Variants in SLC35F4 observed in about 807,000 individuals in gnomAD.
SLC35F4 encodes the protein solute carrier family 35 member F4, also known as chromosome 14 open reading frame 36.
A neutral mutation model predicts 44.2 loss-of-function variants in SLC35F4; 24 were observed. The ratio of observed to expected loss-of-function variants is 0.54; its 90% CI spans 0.39 to 0.76. SLC35F4 has a LOEUF of 0.76. SLC35F4 is among the 30% of genes least tolerant of loss of function. The probability of loss-of-function intolerance (pLI) is 0.00; values close to 1 mark genes in which losing one functional copy is unlikely to be tolerated. For missense variants in SLC35F4, 562 were observed against 586.1 expected (o/e 0.96, Z 0.42); for synonymous variants, 238 against 223.6 (o/e 1.06, Z -0.57).
chr14:57,649,562 A>G (rs1312700907), intron 1 of SLC35F4, among the ~76,000 whole-genome samples: 5 of 152,100 alleles, frequency 3.3e-5, no homozygotes, highest in African/African-American at 9.7e-5. Context: ...CACATCTGCA[A>G]TGTTCTTTTT....
At chr14:57,710,435 A>T (rs1040133870) in intron 1 of SLC35F4, among the ~76,000 whole-genome samples, 1 of 152,098 alleles carries the variant, frequency 6.6e-6, no homozygotes, top group African/African-American at 2.4e-5. Flanking sequence ...GTGGGGATGG[A>T]GCCCCCACAC....
chr14:57,742,602 A>G (rs978495456), intron 1 of SLC35F4, among the ~76,000 whole-genome samples: 1 of 152,216 alleles, frequency 6.6e-6, no homozygotes, highest in Non-Finnish European at 1.5e-5. Context: ...AAAGAGACTA[A>G]GACTCCCATG....
chr14:57,787,638 A>C (rs1234500462), intron 1 of SLC35F4, among the ~76,000 whole-genome samples: 1 of 152,208 alleles, frequency 6.6e-6, no homozygotes, highest in African/African-American at 2.4e-5. Context: ...ATCAGCCAAG[A>C]ATTTTGTATT....
intron 7 of SLC35F4, among the ~76,000 whole-genome samples, chr14:57,564,659 C>A (rs529403949): frequency 1.4e-4 from 21 of 152,312 alleles, no homozygotes; most frequent in African/African-American, 4.3e-4. Context: ...TCTCCAGTTT[C>A]ATTGGACCAT....
intron 1 of SLC35F4, among the ~76,000 whole-genome samples, chr14:57,634,759 G>A (rs955580438): frequency 1.3e-5 from 2 of 152,110 alleles, no homozygotes; most frequent in Non-Finnish European, 2.9e-5. Flanking sequence ...GATCACTGTG[G>A]TAACTGTGTG....
At chr14:57,650,026 A>T (rs769523489) in intron 1 of SLC35F4, among the ~76,000 whole-genome samples, 1 of 151,988 alleles carries the variant, frequency 6.6e-6, no homozygotes, top group Admixed American at 6.6e-5. Context: ...AGCTTTCAGG[A>T]TACCATATCC....
chr14:57,806,816 A>T (rs1159277689), intron 1 of SLC35F4, among the ~76,000 whole-genome samples: 1 of 152,228 alleles, frequency 6.6e-6, no homozygotes, highest in Non-Finnish European at 1.5e-5. Flanking sequence ...TTGCAAATGT[A>T]ATTTTGAATA....
At chr14:57,935,608 CTG>C (rs369242374) in intron 1 of SLC35F4, among the ~76,000 whole-genome samples, 1 of 152,304 alleles carries the variant, frequency 6.6e-6, no homozygotes, top group East Asian at 1.9e-4. Flanking sequence ...ATAACAAAGA[CTG>C]AGAATAGGTG....
At chr14:57,856,599 T>C (rs1407547462) in intron 1 of SLC35F4, among the ~76,000 whole-genome samples, 1 of 152,070 alleles carries the variant, frequency 6.6e-6, no homozygotes, top group African/African-American at 2.4e-5. Context: ...CTACCATCAA[T>C]AACATATACA....
chr14:57,834,110 C>T (rs1884663346), intron 1 of SLC35F4, among the ~76,000 whole-genome samples: 1 of 152,066 alleles, frequency 6.6e-6, no homozygotes, highest in Non-Finnish European at 1.5e-5. Context: ...TGAGAGCAAC[C>T]CGACATTTCA....
At chr14:57,670,019 G>C (rs902198925) in intron 1 of SLC35F4, among the ~76,000 whole-genome samples, 1 of 152,074 alleles carries the variant, frequency 6.6e-6, no homozygotes, top group African/African-American at 2.4e-5. Context: ...CCTGTTATTG[G>C]TCTATTCAGA....
chr14:57,966,646 G>C (rs1482937737), intron 1 of SLC35F4, among the ~76,000 whole-genome samples: 1 of 152,202 alleles, frequency 6.6e-6, no homozygotes, highest in African/African-American at 2.4e-5. Flanking sequence ...CTTAAAAACA[G>C]TTTTAAAGGG....
intron 1 of SLC35F4, among the ~76,000 whole-genome samples, chr14:57,883,457 G>T (rs76271288): frequency 2.0e-5 from 3 of 152,112 alleles, no homozygotes; most frequent in Admixed American, 2.0e-4. Context: ...CTTAGCATTT[G>T]CCCTCTACAA....
At chr14:57,944,743 GA>G (rs1889987829) in intron 1 of SLC35F4, among the ~76,000 whole-genome samples, 4 of 128,072 alleles carry the variant, frequency 3.1e-5, no homozygotes, top group African/African-American at 1.2e-4. Context: ...AAGAAAGAAA[GA>G]AAGAAAGAAG....
intron 1 of SLC35F4, among the ~76,000 whole-genome samples, chr14:57,624,036 A>G (rs1032207114): frequency 6.6e-6 from 1 of 152,204 alleles, no homozygotes; most frequent in Non-Finnish European, 1.5e-5. Flanking sequence ...ATGATCAACA[A>G]AATTGATGGA....
At chr14:57,953,946 C>T (rs374367411) in intron 1 of SLC35F4, among the ~76,000 whole-genome samples, 1 of 152,228 alleles carries the variant, frequency 6.6e-6, no homozygotes, top group South Asian at 2.1e-4. Context: ...ATCTACAGAA[C>T]TCTCCATCCC....
chr14:57,678,008 A>C (rs771112532), intron 1 of SLC35F4, among the ~76,000 whole-genome samples: 13 of 152,118 alleles, frequency 8.5e-5, no homozygotes, highest in Admixed American at 7.9e-4. Context: ...ATTCAAATTC[A>C]GGAAATACAG....
intron 1 of SLC35F4, among the ~76,000 whole-genome samples, chr14:57,822,882 GGT>G (rs1186174899): frequency 6.6e-6 from 1 of 151,978 alleles, no homozygotes; most frequent in Non-Finnish European, 1.5e-5. Context: ...TAGCACCTGG[GGT>G]GTCCAGGGCC....
chr14:57,592,324 T>TCC (rs2070241822), intron 2 of SLC35F4, among the ~76,000 whole-genome samples: 2 of 152,240 alleles, frequency 1.3e-5, no homozygotes, highest in Admixed American at 6.5e-5. Context: ...ATAGGATTTA[T>TCC]TTTGAGATTA....
Sources: gnomAD v4.1 joint callset for allele counts (sites outside exome capture counted in the v4.1 genomes callset) on GRCh38, gnomAD v4.1.1 for gene constraint, MANE v1.5 for transcripts, NCBI Gene and HGNC (gene_info 2026-07-23, HGNC 2026-07-21) for gene names.